The following TNFRSF13B variants were observed in gnomAD, a reference collection of about 807,000 sequenced individuals.
The protein encoded by TNFRSF13B is tumor necrosis factor receptor superfamily member 13B.
In TNFRSF13B, 34 loss-of-function variants were observed where a neutral mutation model predicts 24.0. The observed-to-expected ratio is 1.41, with a 90% confidence interval of 1.08 to 1.88. TNFRSF13B has a LOEUF of 1.88. Ranked by LOEUF, TNFRSF13B falls within the 40% of genes most tolerant of loss-of-function variation. The pLI is 0.00. For missense variants in TNFRSF13B, 415 were observed against 380.8 expected, an observed-to-expected ratio of 1.09 and a Z score of -0.75; for synonymous variants, 173 against 150.3, an observed-to-expected ratio of 1.15 and a Z score of -1.10.
chr17:16,957,515 C>T (rs1730287396), intron 1 of TNFRSF13B, among the ~76,000 whole-genome samples: 1 of 151,936 alleles, frequency 6.6e-6, no homozygotes, highest in Admixed American at 6.6e-5. Flanking sequence ...AAATTTGATG[C>T]AGGAAAACCT....
chr17:16,966,837 T>C (rs1567656858), intron 1 of TNFRSF13B, among the ~76,000 whole-genome samples: 2 of 39,016 alleles, frequency 5.1e-5, no homozygotes, highest in Non-Finnish European at 5.3e-5. Flanking sequence ...TTTTTCTTTT[T>C]TCTTTTTTTT....
intron 3 of TNFRSF13B, among the ~76,000 whole-genome samples, chr17:16,947,152 A>T (rs1474598817): frequency 6.6e-6 from 1 of 152,192 alleles, no homozygotes; most frequent in Non-Finnish European, 1.5e-5. Flanking sequence ...GCAAAGACAC[A>T]ACAACAAAAA....
intron 1 of TNFRSF13B, among the ~76,000 whole-genome samples, chr17:16,964,793 C>T (rs1422667218): frequency 2.0e-5 from 3 of 152,152 alleles, no homozygotes; most frequent in Non-Finnish European, 4.4e-5. Flanking sequence ...AACGGATTCG[C>T]CATGGTTCAG....
chr17:16,964,423 A>G (rs1178029896), intron 1 of TNFRSF13B, among the ~76,000 whole-genome samples: 4 of 140,212 alleles, frequency 2.9e-5, no homozygotes, highest in East Asian at 2.1e-4. Flanking sequence ...GCTCACTGCA[A>G]CCTCTGCCTT....
chr17:16,958,424 T>A (rs1000259676), intron 1 of TNFRSF13B, among the ~76,000 whole-genome samples: 1 of 151,416 alleles, frequency 6.6e-6, no homozygotes. Flanking sequence ...AAAAAAAAAA[T>A]TGGCAGATTG....
intron 2 of TNFRSF13B, among the ~76,000 whole-genome samples, chr17:16,951,815 G>A (rs899116293): frequency 2.0e-5 from 3 of 152,208 alleles, no homozygotes; most frequent in Non-Finnish European, 4.4e-5. Flanking sequence ...TTGAACCCGG[G>A]CGGTGGAGGT....
At chr17:16,963,901 CTA>C (rs1230051560) in intron 1 of TNFRSF13B, among the ~76,000 whole-genome samples, 1 of 152,152 alleles carries the variant, frequency 6.6e-6, no homozygotes, top group Non-Finnish European at 1.5e-5. Context: ...GGGCTGGGGG[CTA>C]TGAGTTGAGC....
chr17:16,962,508 C>A (rs1418330400), intron 1 of TNFRSF13B, among the ~76,000 whole-genome samples: 2 of 150,706 alleles, frequency 1.3e-5, no homozygotes, highest in South Asian at 2.1e-4. Context: ...CTCGGTCTCC[C>A]CCCCCAAAAA....
chr17:16,940,613 TG>T, intron 3 of TNFRSF13B, 102 bp from the exon 4 acceptor site: 1 of 1,535,406 alleles, frequency 6.5e-7, no homozygotes, highest in Non-Finnish European at 8.7e-7. Flanking sequence ...TGAGCCTGTC[TG>T]GCTCCTGGAG....
At chr17:16,951,806 T>C (rs1267249241) in intron 2 of TNFRSF13B, among the ~76,000 whole-genome samples, 1 of 152,184 alleles carries the variant, frequency 6.6e-6, no homozygotes, top group East Asian at 1.9e-4. Context: ...GAGAATCACT[T>C]GAACCCGGGC....
rs1186357890 is a variant in TNFRSF13B at position 16,939,264 on chromosome 17, CCT to C, written c.*281_*282del. 7.1e-6 allele frequency: 3 copies of C among 420,896 alleles called. No homozygotes were observed. The highest frequency in any genetic ancestry group is 8.5e-6 in the Non-Finnish European group (2 of 234,424). The allele number at this position is 420,896 out of a possible 1,614,324, so 26.1% of individuals were successfully genotyped here. A position where few individuals can be genotyped will look rare whatever the true frequency, so the allele number is the denominator to read the frequency against. On this transcript the variant is annotated 3_prime_UTR_variant, in exon 5 of 5. Coordinates refer to ENST00000261652, the MANE Select transcript of TNFRSF13B (RefSeq NM_012452.3). The stretch of plus-strand genomic sequence containing the variant: ...CTCTATCTCTCTCTGTCCCTCTCTC[CCT>C]CTCTGTCTCTCTGCCTCTCTCCCTC...
intron 3 of TNFRSF13B, among the ~76,000 whole-genome samples, chr17:16,944,984 C>A (rs2087537233): frequency 6.6e-6 from 1 of 152,176 alleles, no homozygotes; most frequent in Non-Finnish European, 1.5e-5. Flanking sequence ...TCTGTACTTC[C>A]TGTTTGCAAT....
intron 2 of TNFRSF13B, among the ~76,000 whole-genome samples, chr17:16,950,080 G>T (rs2143658804): frequency 6.6e-6 from 1 of 152,166 alleles, no homozygotes; most frequent in East Asian, 1.9e-4. Context: ...GAGATGTCCT[G>T]ACTTCGTAAA....
intron 2 of TNFRSF13B, among the ~76,000 whole-genome samples, chr17:16,950,243 C>T (rs2143659088): frequency 6.6e-6 from 1 of 152,308 alleles, no homozygotes; most frequent in Admixed American, 6.5e-5. Flanking sequence ...GGCTGTACCA[C>T]TTGCAGGCAG....
At chr17:16,952,007 AGAGG>A (rs1567653163) in intron 2 of TNFRSF13B, among the ~76,000 whole-genome samples, 1 of 152,252 alleles carries the variant, frequency 6.6e-6, no homozygotes, top group African/African-American at 2.4e-5. Flanking sequence ...TGATGGGTGC[AGAGG>A]GCGTCATTGT....
At chr17:16,957,892 T>A (rs1407175932) in intron 1 of TNFRSF13B, among the ~76,000 whole-genome samples, 1 of 152,138 alleles carries the variant, frequency 6.6e-6, no homozygotes, top group South Asian at 2.1e-4. Flanking sequence ...CTCTAGACGG[T>A]ACCTTGAAGA....
At position 16,939,500 on chromosome 17, in the gene TNFRSF13B, C is replaced by T. The variant is rs1182493559; in HGVS notation, c.*47G>A. The T allele has an allele frequency of 6.3e-6, 10 of 1,584,222 alleles. No homozygotes were observed. The highest frequency in any genetic ancestry group is 1.3e-5 in the African/African-American group (1 of 74,440). On this transcript the variant is annotated 3_prime_UTR_variant, in exon 5 of 5. Coordinates refer to ENST00000261652, the MANE Select transcript of TNFRSF13B (RefSeq NM_012452.3). ...TCTCCCCACCTCTCTTTCTCTCTCC[C>T]CTCCTCTCCATCTCTCTCCCTCCTC... is the stretch of plus-strand genomic sequence containing the variant.
At chr17:16,968,453 C>G (rs920818191) in intron 1 of TNFRSF13B, among the ~76,000 whole-genome samples, 1 of 152,176 alleles carries the variant, frequency 6.6e-6, no homozygotes, top group African/African-American at 2.4e-5. Flanking sequence ...CCAGACTATT[C>G]AATGGGAGAA....
intron 1 of TNFRSF13B, among the ~76,000 whole-genome samples, chr17:16,960,720 A>C (rs938027754): frequency 2.0e-5 from 3 of 152,242 alleles, no homozygotes; most frequent in Middle Eastern, 3.2e-3. Context: ...CACCAAAGGC[A>C]TAGGCAATGA....
Sources: gnomAD v4.1 joint callset for allele counts (sites outside exome capture counted in the v4.1 genomes callset) on GRCh38, gnomAD v4.1.1 for gene constraint, MANE v1.5 for transcripts, NCBI Gene and HGNC (gene_info 2026-07-23, HGNC 2026-07-21) for gene names.